Variants in NELL1 observed in about 807,000 individuals in gnomAD.
NELL1 encodes neural EGFL like 1.
NELL1 carries 76 observed loss-of-function variants against 107.4 expected under a neutral mutation model. The observed-to-expected ratio is 0.71, with a 90% confidence interval of 0.59 to 0.86. The LOEUF (loss-of-function observed/expected upper bound fraction) is 0.86. Among genes scored for constraint, NELL1 ranks in the 40% least tolerant of loss-of-function variants. The pLI is 0.00. For synonymous variants in NELL1, 353 were observed against 341.2 expected (o/e 1.03, Z -0.38); for missense variants, 1,024 against 1,005.5 (o/e 1.02, Z -0.25).
intron 14 of NELL1, among the ~76,000 whole-genome samples, chr11:21,255,761 G>T (rs1395330539): frequency 6.6e-6 from 1 of 151,880 alleles, no homozygotes; most frequent in African/African-American, 2.4e-5. Context: ...AATTCATTCA[G>T]GTCTCATTAG....
chr11:21,253,514 T>A (rs1858690976), intron 14 of NELL1, among the ~76,000 whole-genome samples: 1 of 152,158 alleles, frequency 6.6e-6, no homozygotes, highest in African/African-American at 2.4e-5. Context: ...AAGGTCATAC[T>A]ACAAAGACAT....
rs568284843 is a variant in NELL1, at chr11:20,870,477, G to T, written c.507-14967G>T. On this transcript the variant is annotated intron_variant, in intron 4 of 19. Coordinates refer to ENST00000357134, the MANE Select transcript of NELL1 (RefSeq NM_006157.5). ...TATTCTGTAACCTGAACATGAAGGG[G>T]CCACCAAGAAAGGAGATAATTAAAG... Among the ~76,000 whole-genome samples the T allele has an allele frequency of 8.5e-5, 13 of 152,066 alleles. No homozygotes were observed. In the East Asian group the frequency reaches 2.5e-3, roughly 29 times the overall value.
chr11:20,674,491 G>T, intron 1 of NELL1: 1 of 1,536,046 alleles, frequency 6.5e-7, no homozygotes, highest in South Asian at 1.2e-5. Flanking sequence ...TCCTACAGCA[G>T]AAGATATGAA....
chr11:20,943,313 A>G (rs1468633447), intron 10 of NELL1, among the ~76,000 whole-genome samples: 1 of 152,108 alleles, frequency 6.6e-6, no homozygotes, highest in Non-Finnish European at 1.5e-5. Flanking sequence ...AAACATATTT[A>G]TCTCGGCCGG....
chr11:20,893,838 G>A (rs1240773753), intron 5 of NELL1, among the ~76,000 whole-genome samples: 6 of 122,164 alleles, frequency 4.9e-5, no homozygotes, highest in Non-Finnish European at 8.3e-5. Flanking sequence ...ACTCATAAAT[G>A]TTGATAGTGA....
At chr11:20,683,110 TTA>T (rs980789805) in intron 2 of NELL1, among the ~76,000 whole-genome samples, 1 of 152,042 alleles carries the variant, frequency 6.6e-6, no homozygotes, top group Non-Finnish European at 1.5e-5. Flanking sequence ...TTTCCCCTCT[TTA>T]TGTCTTCTTT....
intron 4 of NELL1, among the ~76,000 whole-genome samples, chr11:20,852,673 A>G (rs1848814280): frequency 6.6e-6 from 1 of 152,232 alleles, no homozygotes; most frequent in Admixed American, 6.5e-5. Flanking sequence ...CAAGAGAGCC[A>G]GGCTGAGACT....
intron 15 of NELL1, among the ~76,000 whole-genome samples, chr11:21,463,299 C>A (rs570658498): frequency 6.6e-6 from 1 of 152,050 alleles, no homozygotes; most frequent in African/African-American, 2.4e-5. Flanking sequence ...GGAGAGTTGG[C>A]CATCTGATGG....
intron 10 of NELL1, among the ~76,000 whole-genome samples, chr11:20,942,487 G>T (rs952392670): frequency 2.0e-5 from 3 of 152,156 alleles, no homozygotes; most frequent in Non-Finnish European, 4.4e-5. Flanking sequence ...GAGTAGGGGA[G>T]TAGGGGAGCA....
intron 14 of NELL1, among the ~76,000 whole-genome samples, chr11:21,307,397 G>GA (rs1163056705): frequency 2.0e-5 from 3 of 149,890 alleles, no homozygotes; most frequent in East Asian, 3.9e-4. Context: ...TTATGTAACA[G>GA]AAAAAAAAGA....
At chr11:21,404,016 C>CCCG (rs1554905723) in intron 15 of NELL1, among the ~76,000 whole-genome samples, 3 of 116,260 alleles carry the variant, frequency 2.6e-5, no homozygotes, top group Non-Finnish European at 5.4e-5. Context: ...CCCCCCCCCC[C>CCCG]GCAATCAAAA....
At chr11:20,769,173 C>G (rs1856593349) in intron 2 of NELL1, 1 of 152,364 alleles carries the variant, frequency 6.6e-6, no homozygotes, top group South Asian at 2.1e-4. Flanking sequence ...ATATTCTAGT[C>G]AAGAAGATTG....
chr11:21,479,706 A>G (rs1854440789), intron 15 of NELL1, among the ~76,000 whole-genome samples: 1 of 152,186 alleles, frequency 6.6e-6, no homozygotes, highest in Non-Finnish European at 1.5e-5. Context: ...TAGTTACATA[A>G]AGAAAGGAGA....
At chr11:21,209,646 T>G (rs1857459763) in intron 13 of NELL1, among the ~76,000 whole-genome samples, 1 of 152,110 alleles carries the variant, frequency 6.6e-6, no homozygotes, top group Non-Finnish European at 1.5e-5. Context: ...AGTATAGAAT[T>G]TGATTATCTT....
intron 13 of NELL1, among the ~76,000 whole-genome samples, chr11:21,195,022 A>G (rs1857123788): frequency 6.6e-6 from 1 of 152,054 alleles, no homozygotes; most frequent in Admixed American, 6.6e-5. Context: ...GCTGGGTTTA[A>G]TTCTTGGACT....
At chr11:20,866,235 C>T (rs1849093851) in intron 4 of NELL1, among the ~76,000 whole-genome samples, 1 of 152,190 alleles carries the variant, frequency 6.6e-6, no homozygotes, top group Admixed American at 6.5e-5. Flanking sequence ...TCTGCATCCT[C>T]ACCTGCTCCT....
At chr11:21,421,136 A>C (rs868815295) in intron 15 of NELL1, among the ~76,000 whole-genome samples, 16 of 152,318 alleles carry the variant, frequency 1.1e-4, no homozygotes, top group Middle Eastern at 3.4e-3. Flanking sequence ...GCATTCAAAA[A>C]ATACAGAAGA....
At chr11:21,439,853 T>C (rs903203775) in intron 15 of NELL1, among the ~76,000 whole-genome samples, 1 of 139,962 alleles carries the variant, frequency 7.1e-6, no homozygotes, top group African/African-American at 2.9e-5. Flanking sequence ...TCTAGCACCA[T>C]TTTTTTCCAA....
In NELL1 at chr11:21,534,400, A is replaced by G. The variant is rs1362837565; in HGVS notation, c.1672A>G (p.Ile558Val). The part of the protein sequence containing the change: ...KDIDECSEGI[I>V]ECHNHSRCVN... ...TATTGATGAATGTTCAGAGGGAATCATTGAGTGCCACAACCATTCCCGCTG... is the reference window on the plus strand; with the variant it reads ...TATTGATGAATGTTCAGAGGGAATCGTTGAGTGCCACAACCATTCCCGCTG... Residue 558 changes from isoleucine to valine, a missense_variant, in exon 16 of 20, where the codon ATT (isoleucine) becomes GTT (valine). By Grantham distance (29) the Ile-to-Val change is conservative. Transcript: ENST00000357134. 6.2e-7 allele frequency: 1 copy of G among 1,613,894 alleles called. No homozygotes were observed. Among genetic ancestry groups the G allele is most frequent in the Non-Finnish European group, 8.5e-7 (1 of 1,179,846 alleles).
Sources: allele counts gnomAD v4.1 joint callset (sites outside exome capture counted in the v4.1 genomes callset), GRCh38; gene constraint gnomAD v4.1.1; transcripts MANE v1.5; gene names NCBI Gene and HGNC (gene_info 2026-07-23, HGNC 2026-07-21).